The following ASRGL1 variants were observed in gnomAD, a reference collection of about 807,000 sequenced individuals.
ASRGL1 encodes the protein asparaginase and isoaspartyl peptidase 1.
In ASRGL1, 16 loss-of-function variants were observed where a neutral mutation model predicts 22.4. That is an observed-to-expected ratio of 0.71 (90% CI 0.48 to 1.08). ASRGL1 has a LOEUF of 1.08. ASRGL1 is among the 50% of genes least tolerant of loss of function. ASRGL1 has a pLI of 0.00. For missense variants in ASRGL1, 412 were observed against 410.1 expected, an observed-to-expected ratio of 1.00 and a Z score of -0.04; for synonymous variants, 165 against 159.3, an observed-to-expected ratio of 1.04 and a Z score of -0.27.
chr11:62,356,428 A>G lies in ASRGL1; in HGVS notation c.294A>G (p.Ile98Met). 1.2e-6 allele frequency: 2 copies of G among 1,614,254 alleles called. No individual in the cohort carries two copies. The highest frequency in any genetic ancestry group is 2.2e-5 in the South Asian group (2 of 91,090). Residue 98 changes from isoleucine to methionine, a missense_variant, in exon 3 of 7, where the codon ATA becomes ATG. Coordinates refer to ENST00000415229, the MANE Select transcript of ASRGL1 (RefSeq NM_001083926.2). Reference protein sequence around the residue: ...SAGAVSAVQCIANPIKLARLV... With the variant: ...SAGAVSAVQCMANPIKLARLV... ...GAGCAGTGTCCGCAGTCCAGTGTAT[A>G]GCAAATCCCATTAAACTTGCTCGGC...
rs992722293 is a variant in ASRGL1 at position 62,371,430 on chromosome 11, G to C, written c.491+14286G>C. The C allele has an allele frequency of 8.6e-6, 5 of 578,510 alleles. No homozygotes were observed. The African/African-American group carries it at 9.8e-5, about 11-fold the overall frequency. 35.8% of individuals were successfully genotyped at this position (578,510 alleles called of 1,614,324 possible). ...ACACCAAGAAGCACGTCAAACTTGA[G>C]ACGTGCTGTGTTTACTCAAGGTTTA... On this transcript the variant is annotated intron_variant, in intron 4 of 6. Transcript: ENST00000415229.
In ASRGL1 at chr11:62,389,156, T is replaced by A. The variant is rs1194543064; in HGVS notation, c.515T>A (p.Val172Asp). ...AGAAACTTGGGAACCGTGGGTGCTG[T>A]TGCCTTGGACTGCAAAGGGAATGTA... Reference protein sequence around the residue: ...CQKNLGTVGAVALDCKGNVAY... With the variant: ...CQKNLGTVGADALDCKGNVAY... Residue 172 changes from valine (V) to aspartate (D), a missense_variant, in exon 5 of 7, where the codon GTT becomes GAT. By Grantham distance (152) the Val-to-Asp change is radical. Coordinates refer to ENST00000415229, the MANE Select transcript of ASRGL1 (RefSeq NM_001083926.2). 6.2e-7 allele frequency: 1 copy of A among 1,613,248 alleles called. No individual in the cohort carries two copies. The highest frequency in any genetic ancestry group is 8.5e-7 in the Non-Finnish European group (1 of 1,179,224).
intron 2 of ASRGL1, among the ~76,000 whole-genome samples, chr11:62,344,739 A>G (rs1472754249): frequency 6.6e-6 from 1 of 152,220 alleles, no homozygotes; most frequent in East Asian, 1.9e-4. Context: ...GTTATAAACA[A>G]TTATATTCTT....
rs1403635845 is a variant in ASRGL1 at position 62,372,245 on chromosome 11, C to A, written c.491+15101C>A. The A allele has an allele frequency of 4.1e-5, 62 of 1,510,386 alleles. 1 individual carries two copies. The highest frequency in any genetic ancestry group is 2.7e-4 in the Admixed American group (16 of 59,646). The allele number at this position is 1,510,386 out of a possible 1,614,324, so 93.6% of individuals were successfully genotyped here. A position where few individuals can be genotyped will look rare whatever the true frequency, so the allele number is the denominator to read the frequency against. ...GATTGTGTGCAGCGTGTGCGCGGAA[C>A]CACACCTTGGCCTTGACGGAAACGG... On this transcript the variant is annotated intron_variant, in intron 4 of 6. Transcript: ENST00000415229.
At chr11:62,356,517 T>G in intron 3 of ASRGL1, 50 bp downstream of exon 3, 2 of 1,589,430 alleles carry the variant, frequency 1.3e-6, no homozygotes, top group Non-Finnish European at 1.7e-6. Flanking sequence ...ATTGTTATAC[T>G]GCAGTGATAA....
chr11:62,391,916 G>A (rs906317700), intron 6 of ASRGL1, 163 bp from the exon 7 acceptor site: 38 of 832,360 alleles, frequency 4.6e-5, no homozygotes, highest in Middle Eastern at 7.0e-4. Flanking sequence ...ATGCTAGGGC[G>A]CTGTCTCAGG....
At chr11:62,386,364 A>C (rs1363544318) in intron 4 of ASRGL1, among the ~76,000 whole-genome samples, 2 of 72,396 alleles carry the variant, frequency 2.8e-5, no homozygotes, top group Non-Finnish European at 8.3e-5. Flanking sequence ...CATAACTTTT[A>C]CTATAGTATA....
At position 62,338,004 on chromosome 11, in the gene ASRGL1, C is replaced by T. The variant is rs2134555857; in HGVS notation, c.27C>T (p.Gly9=). 1 of 1,603,426 alleles carries T rather than the reference C, an allele frequency of 6.2e-7. No homozygotes were observed. The highest frequency in any genetic ancestry group is 8.5e-7 in the Non-Finnish European group (1 of 1,175,540). The part of the protein sequence containing the change: MNPIVVVH[G]GGAGPISKDR... ...TGAATCCCATCGTAGTGGTCCACGG[C>T]GGCGGAGCCGGTCCCATCTCCAAGG... Residue 9 remains glycine (G), a synonymous_variant, in exon 2 of 7, where the codon GGC becomes GGT. Coordinates refer to ENST00000415229, the MANE Select transcript of ASRGL1 (RefSeq NM_001083926.2).
chr11:62,346,228 G>T (rs1175526312), intron 2 of ASRGL1, among the ~76,000 whole-genome samples: 1 of 152,106 alleles, frequency 6.6e-6, no homozygotes, highest in Admixed American at 6.6e-5. Flanking sequence ...TGCTAGGGTA[G>T]CTCACAGAAC....
intron 4 of ASRGL1, among the ~76,000 whole-genome samples, chr11:62,383,908 G>A (rs1326544689): frequency 5.4e-5 from 6 of 112,104 alleles, no homozygotes; most frequent in African/African-American, 1.2e-4. Flanking sequence ...GGCAAGAGTT[G>A]GTCTCAAAAA....
chr11:62,357,697 T>C (rs1393891812), intron 4 of ASRGL1, among the ~76,000 whole-genome samples: 1 of 152,164 alleles, frequency 6.6e-6, no homozygotes, highest in Non-Finnish European at 1.5e-5. Context: ...TACTCTTTCA[T>C]AGTTTAGAGA....
rs1187194650 is a variant in ASRGL1, at chr11:62,380,882, T to C, written c.492-8251T>C. Among the ~76,000 whole-genome samples the C allele has an allele frequency of 4.6e-5, 7 of 152,156 alleles. No homozygotes were observed. In the East Asian group the frequency reaches 1.3e-3, roughly 29 times the overall value. On this transcript the variant is annotated intron_variant, in intron 4 of 6. Transcript: ENST00000415229. ...TGCCACGCCTCAATATCTCCTTGTTTCCTTGCCTTATCAATAATTTTATGT... is the reference window on the plus strand; with the variant it reads ...TGCCACGCCTCAATATCTCCTTGTTCCCTTGCCTTATCAATAATTTTATGT...
At position 62,362,638 on chromosome 11, in the gene ASRGL1, TAATATATAATATATATTATATAA is replaced by T. The variant is rs1215577153; in HGVS notation, c.491+5526_491+5548del. Among the ~76,000 whole-genome samples the T allele has an allele frequency of 4.6e-3, 105 of 22,708 alleles. 7 individuals are homozygous for T. Among genetic ancestry groups the T allele is most frequent in the African/African-American group, 0.015 (96 of 6,530 alleles). 14.9% of individuals were successfully genotyped at this position (22,708 alleles called of 152,430 possible). A position where few individuals can be genotyped will look rare whatever the true frequency, so the allele number is the denominator to read the frequency against. On this transcript the variant is annotated intron_variant, in intron 4 of 6. Transcript: ENST00000415229. ...TATTATATATTATATAAAATATATA[TAATATATAATATATATTATATAA>T]AATATATAATATATATTATATAAAA...
At chr11:62,359,920 C>T (rs1248565805) in intron 4 of ASRGL1, among the ~76,000 whole-genome samples, 3 of 151,130 alleles carry the variant, frequency 2.0e-5, no homozygotes, top group Non-Finnish European at 4.4e-5. Flanking sequence ...CATATTTTAA[C>T]TTTAACATTA....
the ASRGL1 span, among the ~76,000 whole-genome samples, chr11:62,400,418 C>G: frequency 2.6e-5 from 4 of 152,182 alleles, no homozygotes; most frequent in African/African-American, 9.7e-5. Flanking sequence ...AGCCCTGGCC[C>G]TCCTCATGGT....
intron 4 of ASRGL1, among the ~76,000 whole-genome samples, chr11:62,376,005 G>T (rs1946918014): frequency 6.7e-6 from 1 of 149,610 alleles, no homozygotes; most frequent in African/African-American, 2.5e-5. Flanking sequence ...AGGAGGCTGA[G>T]ACAGGAGAAT....
chr11:62,362,527 AAT>A (rs1231470794), intron 4 of ASRGL1, among the ~76,000 whole-genome samples: 4 of 87,066 alleles, frequency 4.6e-5, no homozygotes, highest in Non-Finnish European at 8.3e-5. Flanking sequence ...TTATTTATAT[AAT>A]ATATATTATA....
Position 62,378,300 on chromosome 11 carries a change from A to G in ASRGL1, c.492-10833A>G, listed in dbSNP as rs545197971. ...TGGCAACCTCTGCTTGCAGAAATGT[A>G]TAACAGTTAATTAATTTGTCTCTCA... On this transcript the variant is annotated intron_variant, in intron 4 of 6. Transcript: ENST00000415229. 2.1e-3 allele frequency among the ~76,000 whole-genome samples: 323 copies of G among 152,324 alleles called. 2 individuals carry two copies. Among genetic ancestry groups the G allele is most frequent in the Non-Finnish European group, 3.1e-3 (213 of 68,036 alleles).
At chr11:62,364,300 G>A (rs780685402) in intron 4 of ASRGL1, among the ~76,000 whole-genome samples, 25 of 151,896 alleles carry the variant, frequency 1.6e-4, no homozygotes, top group Non-Finnish European at 2.6e-4. Flanking sequence ...CCATTCATCT[G>A]CCATCACCAG....
Sources: allele counts gnomAD v4.1 joint callset (sites outside exome capture counted in the v4.1 genomes callset), GRCh38; gene constraint gnomAD v4.1.1; transcripts MANE v1.5; gene names NCBI Gene and HGNC (gene_info 2026-07-23, HGNC 2026-07-21).